The following CHN2 variants were observed in gnomAD, a reference collection of about 807,000 sequenced individuals.
The protein encoded by CHN2 is beta-chimaerin.
CHN2 carries 35 observed loss-of-function variants against 56.3 expected under a neutral mutation model. That is an observed-to-expected ratio of 0.62 (90% CI 0.47 to 0.82). The LOEUF (loss-of-function observed/expected upper bound fraction) is 0.82, where lower values mean the gene tolerates loss of function less well. CHN2 is among the 40% of genes least tolerant of loss of function. The pLI is 0.00. For missense variants in CHN2, 491 were observed against 580.5 expected, an observed-to-expected ratio of 0.85 and a Z score of 1.58; for synonymous variants, 210 against 212.8, an observed-to-expected ratio of 0.99 and a Z score of 0.12.
chr7:29,378,953 G>A (rs1226317981), intron 3 of CHN2, among the ~76,000 whole-genome samples: 3 of 152,224 alleles, frequency 2.0e-5, no homozygotes, highest in African/African-American at 7.2e-5. Context: ...GACAGAGCGA[G>A]ACTCCGTCTC....
chr7:29,189,864 A>T (rs1451448318), upstream of CHN2, among the ~76,000 whole-genome samples: 2 of 152,194 alleles, frequency 1.3e-5, no homozygotes, highest in Non-Finnish European at 2.9e-5. Context: ...ACGATGCAGG[A>T]ATACCTGTGC....
chr7:29,220,082 T>TAA (rs58813730), intron 1 of CHN2, among the ~76,000 whole-genome samples: 4 of 150,300 alleles, frequency 2.7e-5, no homozygotes, highest in Admixed American at 1.3e-4. Flanking sequence ...CTCAAAAAAA[T>TAA]AAAAAAATTT....
At chr7:29,161,332 C>T (rs937149245) in intron 2 of CHN2, among the ~76,000 whole-genome samples, 2 of 152,156 alleles carry the variant, frequency 1.3e-5, no homozygotes, top group East Asian at 3.9e-4. Flanking sequence ...TATAGCACAT[C>T]TTTCTCCTGG....
intron 1 of CHN2, among the ~76,000 whole-genome samples, chr7:29,317,089 G>C (rs990716093): frequency 3.9e-5 from 6 of 152,186 alleles, no homozygotes; most frequent in African/African-American, 1.4e-4. Context: ...TCTTGCATTG[G>C]CAGAGCATCT....
intron 2 of CHN2, among the ~76,000 whole-genome samples, chr7:29,162,661 C>CA (rs35159645): frequency 0.017 from 965 of 57,944 alleles, 13 homozygotes; most frequent in African/African-American, 0.035. Flanking sequence ...AACTCCATCT[C>CA]AAAAAAAAAA....
chr7:29,348,730 G>A (rs1797655766), intron 1 of CHN2, among the ~76,000 whole-genome samples: 1 of 151,848 alleles, frequency 6.6e-6, no homozygotes, highest in Non-Finnish European at 1.5e-5. Context: ...CTTTATTTTT[G>A]AGGTGGTGAT....
intron 6 of CHN2, among the ~76,000 whole-genome samples, chr7:29,415,929 G>T (rs1363601402): frequency 1.3e-5 from 2 of 152,178 alleles, no homozygotes; most frequent in Non-Finnish European, 2.9e-5. Context: ...TGTCATCTTA[G>T]ACTTGTAAGT....
intron 6 of CHN2, among the ~76,000 whole-genome samples, chr7:29,478,735 A>G (rs3793253): frequency 0.34 from 52,213 of 152,108 alleles, 9,722 homozygotes; most frequent in African/African-American, 0.49. Flanking sequence ...CATATGCTGC[A>G]GATTAAATGA....
intron 6 of CHN2, among the ~76,000 whole-genome samples, chr7:29,479,350 A>C (rs1786881937): frequency 6.6e-6 from 1 of 152,160 alleles, no homozygotes; most frequent in Admixed American, 6.5e-5. Context: ...GTTTGAGCAG[A>C]GTTTGTTCGT....
chr7:29,322,951 C>T (rs1032746156), intron 1 of CHN2, among the ~76,000 whole-genome samples: 2 of 152,110 alleles, frequency 1.3e-5, no homozygotes, highest in African/African-American at 4.8e-5. Context: ...GTCAAGAGAT[C>T]GAGACCATCC....
rs143366187 is a variant in CHN2, at chr7:29,513,777, T to A, written c.*1042T>A. ...CTATTTTTTAAAGTGAGAATAAGGT[T>A]GGTTTTTACCAAATATTTGTTCCTC... is the stretch of plus-strand genomic sequence containing the variant. On this transcript the variant is annotated 3_prime_UTR_variant, in exon 13 of 13. Transcript: ENST00000222792. 629 of 152,762 alleles carry A rather than the reference T, an allele frequency of 4.1e-3. 4 individuals are homozygous for A. Among genetic ancestry groups the A allele is most frequent in the African/African-American group, 0.014 (587 of 41,580 alleles). The allele number at this position is 152,762 out of a possible 1,614,324, so 9.5% of individuals were successfully genotyped here.
intron 1 of CHN2, among the ~76,000 whole-genome samples, chr7:29,307,676 A>G (rs1794276641): frequency 6.6e-6 from 1 of 152,146 alleles, no homozygotes; most frequent in Non-Finnish European, 1.5e-5. Context: ...TTTGAAAAAG[A>G]GAGGAAGGGA....
At chr7:29,324,822 A>T (rs186948446) in intron 1 of CHN2, among the ~76,000 whole-genome samples, 5 of 152,246 alleles carry the variant, frequency 3.3e-5, no homozygotes, top group African/African-American at 1.2e-4. Context: ...GTTTAATTTG[A>T]TCCACTGTAC....
At chr7:29,338,674 G>T (rs542196314) in intron 1 of CHN2, among the ~76,000 whole-genome samples, 4 of 152,160 alleles carry the variant, frequency 2.6e-5, no homozygotes, top group Non-Finnish European at 4.4e-5. Flanking sequence ...CATCTCCCAG[G>T]TTCAAGCAAT....
chr7:29,451,241 T>C (rs1161711422), intron 6 of CHN2, among the ~76,000 whole-genome samples: 1 of 152,202 alleles, frequency 6.6e-6, no homozygotes, highest in Non-Finnish European at 1.5e-5. Context: ...CTGAGAACAG[T>C]GCCCAGAACA....
intron 2 of CHN2, among the ~76,000 whole-genome samples, chr7:29,154,011 G>C (rs1199948581): frequency 6.6e-6 from 1 of 152,192 alleles, no homozygotes; most frequent in Non-Finnish European, 1.5e-5. Context: ...GCTATTAGTA[G>C]TTAAGTTTTG....
At chr7:29,299,164 C>G (rs996897077) in intron 1 of CHN2, among the ~76,000 whole-genome samples, 2 of 152,182 alleles carry the variant, frequency 1.3e-5, no homozygotes, top group African/African-American at 4.8e-5. Context: ...GCAAAAGGAC[C>G]AAACATCCTA....
At chr7:29,366,314 C>CT (rs2128039052) in intron 2 of CHN2, among the ~76,000 whole-genome samples, 1 of 152,118 alleles carries the variant, frequency 6.6e-6, no homozygotes, top group East Asian at 1.9e-4. Flanking sequence ...TGAAGAGGGC[C>CT]TAAGGTAAGC....
At chr7:29,436,979 A>C (rs928528160) in intron 6 of CHN2, among the ~76,000 whole-genome samples, 16 of 151,528 alleles carry the variant, frequency 1.1e-4, no homozygotes, top group African/African-American at 3.6e-4. Context: ...TTACTCTTTG[A>C]TCTTACTGTT....
Sources: allele counts gnomAD v4.1 joint callset (sites outside exome capture counted in the v4.1 genomes callset), GRCh38; gene constraint gnomAD v4.1.1; transcripts MANE v1.5; gene names NCBI Gene and HGNC (gene_info 2026-07-23, HGNC 2026-07-21).